Variants in IDE observed in about 807,000 individuals in gnomAD.
The protein encoded by IDE is insulin degrading enzyme.
In IDE, 58 loss-of-function variants were observed where a neutral mutation model predicts 133.2. The observed-to-expected ratio is 0.44, with a 90% CI of 0.35 to 0.54. IDE has a LOEUF of 0.54. IDE is among the 20% of genes least tolerant of loss of function. The pLI, the probability that IDE is intolerant of heterozygous loss-of-function variation, is 0.00. For synonymous variants in IDE, 396 were observed against 421.3 expected, an observed-to-expected ratio of 0.94 and a Z score of 0.73; for missense variants, 981 against 1,234.0, an observed-to-expected ratio of 0.79 and a Z score of 3.07.
chr10:92,532,756 A>T (rs1346908133), intron 3 of IDE, among the ~76,000 whole-genome samples: 1 of 151,142 alleles, frequency 6.6e-6, no homozygotes, highest in Non-Finnish European at 1.5e-5. Flanking sequence ...CCCATTTTAT[A>T]GAATAAGACT....
chr10:92,455,779 A>G (rs1844976091), intron 23 of IDE, 136 bp from the exon 24 acceptor site: 1 of 588,502 alleles, frequency 1.7e-6, no homozygotes, highest in Non-Finnish European at 3.0e-6. Context: ...AGATCCTCTA[A>G]AGGTTGCCTG....
chr10:92,512,871 C>T (rs1045133798), intron 5 of IDE, among the ~76,000 whole-genome samples: 9 of 152,170 alleles, frequency 5.9e-5, no homozygotes, highest in African/African-American at 1.9e-4. Flanking sequence ...AGAGTGGCTA[C>T]TACTGTTTAT....
chr10:92,472,642 CTTT>C (rs35959170), intron 17 of IDE, among the ~76,000 whole-genome samples: 8 of 125,908 alleles, frequency 6.4e-5, no homozygotes, highest in Admixed American at 1.6e-4. Flanking sequence ...CAACAGAATT[CTTT>C]TTTTTTTTTT....
intron 1 of IDE, among the ~76,000 whole-genome samples, chr10:92,552,465 T>C (rs1025889454): frequency 2.6e-5 from 4 of 152,156 alleles, no homozygotes; most frequent in African/African-American, 9.7e-5. Context: ...AAAACGTGTA[T>C]ATGTGGCTGT....
chr10:92,532,629 G>A (rs1419976275), intron 3 of IDE, among the ~76,000 whole-genome samples: 2 of 152,078 alleles, frequency 1.3e-5, no homozygotes, highest in Non-Finnish European at 2.9e-5. Context: ...CTTTCTTGAG[G>A]CTATTCCTTA....
At chr10:92,532,283 GAGAA>G (rs1158667832) in intron 3 of IDE, among the ~76,000 whole-genome samples, 2 of 143,218 alleles carry the variant, frequency 1.4e-5, no homozygotes, top group African/African-American at 5.4e-5. Context: ...AAAAAAAAAA[GAGAA>G]AGAAAGAAAA....
In IDE at chr10:92,508,936, G is replaced by T. The variant is rs377753763; in HGVS notation, c.898-46C>A. The T allele has an allele frequency of 3.2e-4, 459 of 1,423,116 alleles. 1 individual carries two copies. The highest frequency in any genetic ancestry group is 1.5e-3 in the Middle Eastern group (8 of 5,468). The allele number at this position is 1,423,116 out of a possible 1,614,324, so 88.2% of individuals were successfully genotyped here. ...AGATTAGCTATATACGACTCCTACT[G>T]AAGAAAATATTTCTAAACTATGAAG... On this transcript the variant is annotated intron_variant, in intron 6 of 24. Coordinates refer to ENST00000265986, the MANE Select transcript of IDE (RefSeq NM_004969.4).
At chr10:92,494,000 A>G (rs1847531582) in intron 11 of IDE, among the ~76,000 whole-genome samples, 1 of 152,224 alleles carries the variant, frequency 6.6e-6, no homozygotes, top group Admixed American at 6.5e-5. Flanking sequence ...TATAGTATAC[A>G]CAACCGCAGA....
At chr10:92,483,408 T>C (rs1846739941) in intron 13 of IDE, 71 bp from the exon 14 acceptor site, 1 of 823,336 alleles carries the variant, frequency 1.2e-6, no homozygotes, top group African/African-American at 1.7e-5. Context: ...CAAATCACTC[T>C]TCAAGAGGAG....
At chr10:92,458,492 T>G (rs1046126610) in intron 22 of IDE, among the ~76,000 whole-genome samples, 22 of 57,182 alleles carry the variant, frequency 3.8e-4, no homozygotes, top group Non-Finnish European at 6.7e-4. Context: ...CTCTCTCTGT[T>G]TTTTTTTTTT....
chr10:92,544,942 T>C (rs1842475609), intron 1 of IDE, among the ~76,000 whole-genome samples: 1 of 152,192 alleles, frequency 6.6e-6, no homozygotes, highest in Non-Finnish European at 1.5e-5. Flanking sequence ...TTAAGTATAC[T>C]ATTTTTTAAA....
At position 92,531,984 on chromosome 10, in the gene IDE, T is replaced by C. The variant is rs1290500407; in HGVS notation, c.492-67A>G. 3.5e-6 allele frequency: 4 copies of C among 1,134,496 alleles called. No individual in the cohort carries two copies. The African/African-American group carries it at 6.3e-5, about 18-fold the overall frequency. The allele number at this position is 1,134,496 out of a possible 1,614,324, so 70.3% of individuals were successfully genotyped here. A position where few individuals can be genotyped will look rare whatever the true frequency, so the allele number is the denominator to read the frequency against. On this transcript the variant is annotated intron_variant, in intron 3 of 24. Transcript: ENST00000265986. ...TTAAAACAATAGCCTTTTAGAAAGA[T>C]TTTTGGAACTTATTAGATAGGAAAT...
intron 1 of IDE, among the ~76,000 whole-genome samples, chr10:92,543,249 T>C (rs1455881363): frequency 6.6e-6 from 1 of 152,146 alleles, no homozygotes; most frequent in Non-Finnish European, 1.5e-5. Context: ...AGAAAAGGCA[T>C]GGAATCAAAA....
chr10:92,499,722 T>C (rs905483258), intron 11 of IDE, among the ~76,000 whole-genome samples: 1 of 152,198 alleles, frequency 6.6e-6, no homozygotes, highest in South Asian at 2.1e-4. Context: ...TGAACCACTG[T>C]GCACGGTCAA....
chr10:92,508,878 T>C lies in IDE; in HGVS notation c.910A>G (p.Ile304Val). ...QEEHLKQLYK[I>V]VPIKDIRNLY... Reference sequence around the variant, plus strand: ...TTCCTAATATCTTTAATGGGTACTATTTTGTAAAGTTGCTGGAGAAAACAA... The same window carrying C: ...TTCCTAATATCTTTAATGGGTACTACTTTGTAAAGTTGCTGGAGAAAACAA... The change falls in exon 7 of 25, where the codon ATA (isoleucine) becomes GTA (valine). Residue 304 changes from isoleucine to valine, a missense_variant. Ile to Val is a conservative substitution (Grantham distance 29). This residue lies in a region of IDE where 660 missense variants were observed against 894.7 expected (regional missense o/e 0.74). Coordinates refer to ENST00000265986, the MANE Select transcript of IDE (RefSeq NM_004969.4). 6.2e-7 allele frequency: 1 copy of C among 1,612,098 alleles called. No individual in the cohort carries two copies.
chr10:92,504,479 G>A (rs1294307668), intron 11 of IDE, among the ~76,000 whole-genome samples: 2 of 152,078 alleles, frequency 1.3e-5, no homozygotes, highest in Non-Finnish European at 2.9e-5. Flanking sequence ...GCCAGGTTAA[G>A]ACAGGTTATT....
At chr10:92,539,445 C>T (rs527243080) in intron 1 of IDE, among the ~76,000 whole-genome samples, 52 of 152,166 alleles carry the variant, frequency 3.4e-4, no homozygotes, top group African/African-American at 1.2e-3. Flanking sequence ...AATTCAAAAG[C>T]AACTTGAAAC....
intron 4 of IDE, among the ~76,000 whole-genome samples, chr10:92,525,752 GA>G (rs59547662): frequency 0.26 from 30,218 of 116,022 alleles, 3,486 homozygotes; most frequent in Middle Eastern, 0.37. Flanking sequence ...TGAACAATCT[GA>G]AAAAAAAAAA....
intron 1 of IDE, among the ~76,000 whole-genome samples, chr10:92,560,141 T>C (rs1275824426): frequency 6.6e-6 from 1 of 152,248 alleles, no homozygotes; most frequent in Non-Finnish European, 1.5e-5. Flanking sequence ...AGATGCTATG[T>C]TGTTGCCATA....
Sources: gnomAD v4.1 joint callset for allele counts (sites outside exome capture counted in the v4.1 genomes callset) on GRCh38, gnomAD v4.1.1 for gene constraint, gnomAD v4.1.1 regional missense constraint, MANE v1.5 for transcripts, NCBI Gene and HGNC (gene_info 2026-07-23, HGNC 2026-07-21) for gene names.